AUNIP: variants seen among roughly 807,000 people sequenced by gnomAD.
The protein encoded by AUNIP is aurora kinase A- and ninein-interacting protein.
In AUNIP, 16 loss-of-function variants were observed where a neutral mutation model predicts 12.2. That is an observed-to-expected ratio of 1.31 (90% CI 0.88 to 1.99). The LOEUF (loss-of-function observed/expected upper bound fraction) is 1.99. AUNIP is among the 30% of genes most tolerant of loss of function. The pLI, the probability that AUNIP is intolerant of heterozygous loss-of-function variation, is 0.00. For missense variants in AUNIP, 411 were observed against 419.1 expected, an observed-to-expected ratio of 0.98 and a Z score of 0.17; for synonymous variants, 142 against 154.8, an observed-to-expected ratio of 0.92 and a Z score of 0.61.
At chr1:25,836,408 C>G (rs1275294203) in intron 2 of AUNIP, among the ~76,000 whole-genome samples, 1 of 152,134 alleles carries the variant, frequency 6.6e-6, no homozygotes, top group Non-Finnish European at 1.5e-5. Flanking sequence ...AGTGAAGACA[C>G]AATTAGGATG....
chr1:25,846,138 G>A (rs2048381452), intron 1 of AUNIP, among the ~76,000 whole-genome samples: 1 of 152,176 alleles, frequency 6.6e-6, no homozygotes, highest in African/African-American at 2.4e-5. Context: ...GGTGCTCCCA[G>A]GCCGGGTGCG....
rs977821306 is a variant in AUNIP at position 25,847,452 on chromosome 1, A to G, written c.79-9898T>C. ...AATTTTTTTTGTATTTTTAGTAGAG[A>G]TGAGGTTTTACCATGTTGGCCAGGC... On this transcript the variant is annotated intron_variant, in intron 1 of 2. Coordinates refer to ENST00000374298, the MANE Select transcript of AUNIP (RefSeq NM_024037.3). This position sits in a 1 kb window ranked among gnomAD's most constrained non-coding sequence, Gnocchi z 4.2. Among the ~76,000 whole-genome samples the G allele has an allele frequency of 4.6e-5, 7 of 151,962 alleles. No homozygotes were observed. The highest frequency in any genetic ancestry group is 1.7e-4 in the African/African-American group (7 of 41,368).
rs2048293217 is a variant in AUNIP at position 25,835,501 on chromosome 1, T to C, written c.566A>G (p.Glu189Gly). ...LESSCLLDRK[E>G]EKGDSARKWE... is the part of the protein sequence containing the mutation. ...TTTCCTGGCAGAATCCCCTTTTTCT[T>C]CCTTTCGGTCTAGCAAACAAGAACT... Residue 189 changes from glutamate (E) to glycine (G), a missense_variant, in exon 3 of 3, where the codon GAA becomes GGA. Transcript: ENST00000374298. The C allele has an allele frequency of 6.2e-7, 1 of 1,614,248 alleles. No homozygotes were observed. The highest frequency in any genetic ancestry group is 8.5e-7 in the Non-Finnish European group (1 of 1,180,050).
Position 25,834,883 on chromosome 1 carries a change from TCC to T in AUNIP, c.*108_*109del. ...AAGATGCTCAGTAATGACAACTTCATCCCATGCCACCTTCCCACCTAAACAAA... is the reference window on the plus strand; with the variant it reads ...AAGATGCTCAGTAATGACAACTTCATCATGCCACCTTCCCACCTAAACAAA... On this transcript the variant is annotated 3_prime_UTR_variant, in exon 3 of 3. Transcript: ENST00000374298. 1 of 1,515,434 alleles carries T rather than the reference TCC, an allele frequency of 6.6e-7. No homozygotes were observed. Among genetic ancestry groups the T allele is most frequent in the Non-Finnish European group, 8.8e-7 (1 of 1,139,094 alleles). The allele number at this position is 1,515,434 out of a possible 1,614,324, so 93.9% of individuals were successfully genotyped here.
chr1:25,837,777 T>G lies in AUNIP; in HGVS notation c.79-223A>C, dbSNP rs2048315449. Among the ~76,000 whole-genome samples the G allele has an allele frequency of 2.0e-5, 3 of 152,214 alleles. No homozygotes were observed. The South Asian group carries it at 6.2e-4, about 31-fold the overall frequency. ...CATATTCCAATGATAGCCCAATCTTTCTGCTTCCCCATGGAAATCAGGCTG... is the reference window on the plus strand; with the variant it reads ...CATATTCCAATGATAGCCCAATCTTGCTGCTTCCCCATGGAAATCAGGCTG... On this transcript the variant is annotated intron_variant, in intron 1 of 2. Transcript: ENST00000374298.
At chr1:25,848,436 C>T (rs1053448366) in intron 1 of AUNIP, among the ~76,000 whole-genome samples, 4 of 138,502 alleles carry the variant, frequency 2.9e-5, no homozygotes, top group Non-Finnish European at 6.0e-5. Flanking sequence ...GAGTTGAGAT[C>T]GTGCCATTGC....
chr1:25,853,569 C>T (rs2048438329), intron 1 of AUNIP, among the ~76,000 whole-genome samples: 1 of 152,008 alleles, frequency 6.6e-6, no homozygotes, highest in South Asian at 2.1e-4. Context: ...TGCACCCCAG[C>T]CTGTGTGACA....
At chr1:25,832,952 T>G (rs2048266336), downstream of AUNIP, 1 of 152,258 alleles carries the variant, frequency 6.6e-6, no homozygotes, top group Non-Finnish European at 1.5e-5. Flanking sequence ...ATTTGCTGTG[T>G]CCATCTCTTG....
chr1:25,848,483 CAAA>C (rs761716480), intron 1 of AUNIP, among the ~76,000 whole-genome samples: 5 of 62,468 alleles, frequency 8.0e-5, no homozygotes, highest in African/African-American at 1.1e-4. Flanking sequence ...AACTCCGTCT[CAAA>C]AAAAAAAAAA....
At chr1:25,832,956 T>TTAC (rs2048266400), downstream of AUNIP, 1 of 152,210 alleles carries the variant, frequency 6.6e-6, no homozygotes, top group Non-Finnish European at 1.5e-5. Context: ...GCTGTGTCCA[T>TTAC]CTCTTGAGTT....
At position 25,859,399 on chromosome 1, in the gene AUNIP, T is replaced by C. The variant is rs1249091323; in HGVS notation, c.-42A>G. ...AAGCCGGCAGGACGCCGGCGCAGGC[T>C]CCCGGCGCCTCAGGGAACGCCAGAA... On this transcript the variant is annotated 5_prime_UTR_variant, in exon 1 of 3. Coordinates refer to ENST00000374298, the MANE Select transcript of AUNIP (RefSeq NM_024037.3). 3 of 1,466,870 alleles carry C rather than the reference T, an allele frequency of 2.0e-6. No individual in the cohort carries two copies. Among genetic ancestry groups the C allele is most frequent in the African/African-American group, 3.0e-5 (2 of 67,234 alleles). 90.9% of individuals were successfully genotyped at this position (1,466,870 alleles called of 1,614,324 possible).
At chr1:25,854,104 A>T (rs2124514507) in intron 1 of AUNIP, among the ~76,000 whole-genome samples, 1 of 152,202 alleles carries the variant, frequency 6.6e-6, no homozygotes, top group Admixed American at 6.5e-5. Flanking sequence ...CCAGTTACTC[A>T]TAAGGTGAGG....
chr1:25,832,637 A>T (rs2048261431), downstream of AUNIP: 1 of 166,752 alleles, frequency 6.0e-6, no homozygotes, highest in Non-Finnish European at 1.3e-5. Context: ...TCTTAAACAC[A>T]TTTTATATTA....
intron 1 of AUNIP, among the ~76,000 whole-genome samples, chr1:25,858,605 TGACA>T (rs1317984621): frequency 6.6e-6 from 1 of 152,234 alleles, no homozygotes; most frequent in Non-Finnish European, 1.5e-5. Flanking sequence ...CTTGCCTAGG[TGACA>T]GACCTGAATG....
At chr1:25,840,969 TTAC>T (rs1187721171) in intron 1 of AUNIP, among the ~76,000 whole-genome samples, 1 of 152,234 alleles carries the variant, frequency 6.6e-6, no homozygotes, top group East Asian at 1.9e-4. Context: ...GTTATTTAAA[TTAC>T]TACAAGTATG....
intron 1 of AUNIP, among the ~76,000 whole-genome samples, chr1:25,845,101 A>G (rs1450451357): frequency 2.6e-5 from 4 of 152,226 alleles, no homozygotes; most frequent in Admixed American, 2.0e-4. Context: ...AACCTCTCTT[A>G]GTTCTCTGCA....
intron 1 of AUNIP, among the ~76,000 whole-genome samples, chr1:25,858,218 A>G (rs72879449): frequency 0.012 from 1,891 of 152,330 alleles, 41 homozygotes; most frequent in African/African-American, 0.043. Flanking sequence ...TTTCTTATCT[A>G]TAAAACCAGG....
chr1:25,859,393 G>T lies in AUNIP; in HGVS notation c.-36C>A, dbSNP rs1450115546. The T allele has an allele frequency of 4.7e-6, 7 of 1,475,044 alleles. No individual in the cohort carries two copies. The highest frequency in any genetic ancestry group is 1.5e-5 in the African/African-American group (1 of 67,530). The allele number at this position is 1,475,044 out of a possible 1,614,324, so 91.4% of individuals were successfully genotyped here. A position where few individuals can be genotyped will look rare whatever the true frequency, so the allele number is the denominator to read the frequency against. On this transcript the variant is annotated 5_prime_UTR_variant, in exon 1 of 3. Coordinates refer to ENST00000374298, the MANE Select transcript of AUNIP (RefSeq NM_024037.3). ...GAGACGAAGCCGGCAGGACGCCGGCGCAGGCTCCCGGCGCCTCAGGGAACG... is the reference window on the plus strand; with the variant it reads ...GAGACGAAGCCGGCAGGACGCCGGCTCAGGCTCCCGGCGCCTCAGGGAACG...
intron 1 of AUNIP, among the ~76,000 whole-genome samples, chr1:25,838,677 T>C (rs1034150047): frequency 4.6e-4 from 70 of 152,224 alleles, no homozygotes; most frequent in African/African-American, 1.6e-3. Context: ...CTTTAGAGAA[T>C]GGAACTGGAA....
Sources: allele counts gnomAD v4.1 joint callset (sites outside exome capture counted in the v4.1 genomes callset), GRCh38; gene constraint gnomAD v4.1.1; non-coding constraint Gnocchi (gnomAD v3.1); transcripts MANE v1.5; gene names NCBI Gene and HGNC (gene_info 2026-07-23, HGNC 2026-07-21).